BRD2: variants seen among roughly 807,000 people sequenced by gnomAD.
BRD2 encodes the protein bromodomain-containing protein 2.
BRD2 carries 15 observed loss-of-function variants against 79.1 expected under a neutral mutation model. The observed-to-expected ratio is 0.19, with a 90% CI of 0.13 to 0.29. BRD2 has a LOEUF of 0.29. Ranked by LOEUF, BRD2 falls within the 10% of genes least tolerant of loss-of-function variation. The pLI is 1.00. For synonymous variants in BRD2, 488 were observed against 358.6 expected, an observed-to-expected ratio of 1.36 and a Z score of -4.08; for missense variants, 1,053 against 991.3, an observed-to-expected ratio of 1.06 and a Z score of -0.84.
rs995206152 is a variant in BRD2 at position 32,972,918 on chromosome 6, CCCA to C, written c.22_24del (p.His8del). On this transcript the variant is annotated inframe_deletion, in exon 2 of 13. Transcript: ENST00000374825. Reference sequence around the variant, plus strand: ...GTCAAGATGCTGCAAAACGTGACTCCCCACAATAAGTACGTTTCCGCGAGCCGC... The same window carrying C: ...GTCAAGATGCTGCAAAACGTGACTCCCAATAAGTACGTTTCCGCGAGCCGC... The C allele has an allele frequency of 1.1e-5, 18 of 1,614,034 alleles. No homozygotes were observed. Among genetic ancestry groups the C allele is most frequent in the Middle Eastern group, 3.3e-4 (2 of 6,062 alleles).
In BRD2 at chr6:32,980,828, C is replaced by A; in HGVS notation, c.*110C>A. On this transcript the variant is annotated 3_prime_UTR_variant, in exon 13 of 13. Coordinates refer to ENST00000374825, the MANE Select transcript of BRD2 (RefSeq NM_005104.4). The stretch of plus-strand genomic sequence containing the variant: ...GTGACACTTCTTCATCTCACCCCCC[C>A]CCGCCCCCCTCTAGGAGAGCTGGCT... The A allele has an allele frequency of 2.2e-6, 3 of 1,349,826 alleles. No individual in the cohort carries two copies. The highest frequency in any genetic ancestry group is 1.3e-5 in the South Asian group (1 of 79,014). 83.6% of individuals were successfully genotyped at this position (1,349,826 alleles called of 1,614,324 possible).
chr6:32,976,351 C>T lies in BRD2; in HGVS notation c.712C>T (p.Leu238Phe), dbSNP rs176250. The T allele has an allele frequency of 4.6e-3, 7,459 of 1,613,072 alleles. 54 individuals carry two copies. The highest frequency in any genetic ancestry group is 4.8e-3 in the Middle Eastern group (29 of 6,062). Residue 238 changes from leucine (L) to phenylalanine (F), a missense_variant, in exon 6 of 13, where the codon CTC (leucine) becomes TTC (phenylalanine). By Grantham distance (22) the Leu-to-Phe change is conservative. Coordinates refer to ENST00000374825, the MANE Select transcript of BRD2 (RefSeq NM_005104.4). ...TCCACCTGAGATACCTACCACTGTCCTCAACATTCCCCACCCATCAGTCAT... is the reference window on the plus strand; with the variant it reads ...TCCACCTGAGATACCTACCACTGTCTTCAACATTCCCCACCCATCAGTCAT... ...TPPPEIPTTV[L>F]NIPHPSVISS...
intron 1 of BRD2, chr6:32,970,886 G>A (rs1268448968): frequency 2.6e-5 from 4 of 152,320 alleles, no homozygotes; most frequent in Admixed American, 2.0e-4. Flanking sequence ...GGGAGGAGGG[G>A]AGGAGGGGGA....
intron 4 of BRD2, 76 bp downstream of exon 4, chr6:32,975,597 A>G (rs1452709791): frequency 2.6e-6 from 4 of 1,559,578 alleles, no homozygotes; most frequent in East Asian, 2.2e-5. Context: ...TGTTGTCTAC[A>G]TAAAGTTTAA....
At chr6:32,969,360 G>A (rs1260902989) in intron 1 of BRD2, 3 of 716,826 alleles carry the variant, frequency 4.2e-6, no homozygotes, top group East Asian at 5.4e-5. Context: ...CAGGTGAGAA[G>A]GGATCCATCG....
At chr6:32,973,863 G>C (rs967063068) in intron 2 of BRD2, among the ~76,000 whole-genome samples, 4 of 152,146 alleles carry the variant, frequency 2.6e-5, no homozygotes, top group Non-Finnish European at 5.9e-5. Context: ...TTCCTTGTCT[G>C]AATTTGTTTT....
chr6:32,972,616 T>C lies in BRD2; in HGVS notation c.-283T>C. 1 of 569,322 alleles carries C rather than the reference T, an allele frequency of 1.8e-6. No individual in the cohort carries two copies. The highest frequency in any genetic ancestry group is 2.1e-5 in the South Asian group (1 of 46,870). 35.3% of individuals were successfully genotyped at this position (569,322 alleles called of 1,614,324 possible). ...CGACGGTGTCTGAGATCGGGGACCG[T>C]CTTTTGAAGAGTCAGTCCCTCCTTA... On this transcript the variant is annotated 5_prime_UTR_variant, in exon 2 of 13. Coordinates refer to ENST00000374825, the MANE Select transcript of BRD2 (RefSeq NM_005104.4).
At chr6:32,969,162 G>A (rs1225701100) in intron 1 of BRD2, 106 bp downstream of exon 1, 1 of 532,758 alleles carries the variant, frequency 1.9e-6, no homozygotes, top group East Asian at 3.0e-5. Flanking sequence ...CCTGAGAGTG[G>A]GAAGATTTGT....
Position 32,972,033 on chromosome 6 carries a change from C to T in BRD2, c.-866C>T, listed in dbSNP as rs927498820. The T allele has an allele frequency of 8.5e-6, 6 of 701,808 alleles. No individual in the cohort carries two copies. Among genetic ancestry groups the T allele is most frequent in the African/African-American group, 3.5e-5 (2 of 57,164 alleles). The allele number at this position is 701,808 out of a possible 1,614,324, so 43.5% of individuals were successfully genotyped here. A position where few individuals can be genotyped will look rare whatever the true frequency, so the allele number is the denominator to read the frequency against. ...TTGCGGCTGGCCAATAGAAAAAGCT[C>T]CCGCGGAGAGGTGTTCCTTCCCCTT... On this transcript the variant is annotated 5_prime_UTR_variant, in exon 2 of 13. Coordinates refer to ENST00000374825, the MANE Select transcript of BRD2 (RefSeq NM_005104.4).
Position 32,971,732 on chromosome 6 carries a change from A to G in BRD2, c.-1167A>G. Reference sequence around the variant, plus strand: ...TGCTTTGGCCAATGGAGGAGCTACGAATGGCACGACCTGCTCGAGCTTGGC... The same window carrying G: ...TGCTTTGGCCAATGGAGGAGCTACGGATGGCACGACCTGCTCGAGCTTGGC... On this transcript the variant is annotated 5_prime_UTR_variant, in exon 2 of 13. Coordinates refer to ENST00000374825, the MANE Select transcript of BRD2 (RefSeq NM_005104.4). 1 of 569,822 alleles carries G rather than the reference A, an allele frequency of 1.8e-6. No individual in the cohort carries two copies. Among genetic ancestry groups the G allele is most frequent in the Non-Finnish European group, 3.1e-6 (1 of 322,740 alleles). 35.3% of individuals were successfully genotyped at this position (569,822 alleles called of 1,614,324 possible).
At chr6:32,972,952 G>C in intron 2 of BRD2, 25 bp downstream of exon 2, 1 of 1,614,056 alleles carries the variant, frequency 6.2e-7, no homozygotes, top group South Asian at 1.1e-5. Context: ...GCCGCGTGTG[G>C]GAAGGGGATG....
intron 10 of BRD2, 74 bp from the exon 11 acceptor site, chr6:32,979,754 T>G: frequency 6.6e-7 from 1 of 1,505,332 alleles, no homozygotes; most frequent in Non-Finnish European, 8.9e-7. Flanking sequence ...ATAGGATCAC[T>G]GAATTATAAC....
chr6:32,971,964 G>A lies in BRD2; in HGVS notation c.-935G>A. The A allele has an allele frequency of 1.4e-6, 1 of 702,950 alleles. No homozygotes were observed. The highest frequency in any genetic ancestry group is 2.6e-6 in the Non-Finnish European group (1 of 384,986). 43.5% of individuals were successfully genotyped at this position (702,950 alleles called of 1,614,324 possible). ...CTGTGGGTCTCTGCGGCACTCTTCTGCCTGGTGACTGACACCTTGGAAATG... is the reference window on the plus strand; with the variant it reads ...CTGTGGGTCTCTGCGGCACTCTTCTACCTGGTGACTGACACCTTGGAAATG... On this transcript the variant is annotated 5_prime_UTR_variant, in exon 2 of 13. Coordinates refer to ENST00000374825, the MANE Select transcript of BRD2 (RefSeq NM_005104.4).
At chr6:32,974,343 A>T (rs996113278) in intron 2 of BRD2, 119 bp from the exon 3 acceptor site, 37 of 991,864 alleles carry the variant, frequency 3.7e-5, no homozygotes, top group Non-Finnish European at 5.3e-5. Context: ...CTTAAGAAGC[A>T]CTTGGCATAA....
chr6:32,977,886 A>G lies in BRD2; in HGVS notation c.1459A>G (p.Ser487Gly), dbSNP rs143615833. The G allele has an allele frequency of 6.2e-6, 10 of 1,612,968 alleles. No individual in the cohort carries two copies. In the African/African-American group the frequency reaches 1.3e-4, roughly 22 times the overall value. ...SSESSSEESS[S>G]ESSSEEEEEE... ...AGAGTCCTCCAGTGAGGAAAGTAGC[A>G]GTGAGAGCTCCTCTGAGGAAGAGGA... Residue 487 changes from serine (S) to glycine (G), a missense_variant, in exon 9 of 13, where the codon AGT becomes GGT. Around this residue, in one of 5 missense-constraint regions of BRD2, gnomAD observed 454 missense variants for 430.5 expected, o/e 1.05. Transcript: ENST00000374825.
At chr6:32,978,673 C>A in intron 10 of BRD2, 1 of 533,888 alleles carries the variant, frequency 1.9e-6, no homozygotes, top group Non-Finnish European at 3.3e-6. Context: ...ACCATGCGCA[C>A]TTCACAGTAG....
intron 3 of BRD2, 131 bp from the exon 4 acceptor site, chr6:32,975,253 T>C: frequency 9.2e-7 from 1 of 1,085,918 alleles, no homozygotes; most frequent in Non-Finnish European, 1.3e-6. Context: ...GGGGCCGCAG[T>C]TTAAGTAACT....
At position 32,972,850 on chromosome 6, in the gene BRD2, C is replaced by T. The variant is rs1210255956; in HGVS notation, c.-49C>T. The T allele has an allele frequency of 6.1e-5, 98 of 1,613,546 alleles. No homozygotes were observed. The highest frequency in any genetic ancestry group is 8.3e-5 in the Non-Finnish European group (98 of 1,179,966). On this transcript the variant is annotated 5_prime_UTR_variant, in exon 2 of 13. Coordinates refer to ENST00000374825, the MANE Select transcript of BRD2 (RefSeq NM_005104.4). ...ACCGGGCGGTGAGGGGAACCGAGGC[C>T]ACCCGGACTTTCCGCGGCTGAGGGC...
chr6:32,977,349 C>T, intron 7 of BRD2, 93 bp from the exon 8 acceptor site: 2 of 1,609,506 alleles, frequency 1.2e-6, no homozygotes, highest in Non-Finnish European at 8.5e-7. Flanking sequence ...CCACTGTGCT[C>T]TCAAGAGAGG....
Sources: gnomAD v4.1 joint callset for allele counts (sites outside exome capture counted in the v4.1 genomes callset) on GRCh38, gnomAD v4.1.1 for gene constraint, gnomAD v4.1.1 regional missense constraint, MANE v1.5 for transcripts, NCBI Gene and HGNC (gene_info 2026-07-23, HGNC 2026-07-21) for gene names.